OLA1: variants seen among roughly 807,000 people sequenced by gnomAD.
OLA1 encodes the protein obg-like ATPase 1.
OLA1 carries 14 observed loss-of-function variants against 48.4 expected under a neutral mutation model. The observed-to-expected ratio is 0.29, with a 90% CI of 0.19 to 0.45. OLA1 has a LOEUF of 0.45. Ranked by LOEUF, OLA1 falls within the 20% of genes least tolerant of loss-of-function variation. The pLI, the probability that OLA1 is intolerant of heterozygous loss-of-function variation, is 1.00. For missense variants in OLA1, 325 were observed against 467.1 expected (o/e 0.70, Z 2.80); for synonymous variants, 127 against 150.4 (o/e 0.84, Z 1.14).
At chr2:174,151,059 G>A (rs1686734659) in intron 4 of OLA1, among the ~76,000 whole-genome samples, 1 of 152,126 alleles carries the variant, frequency 6.6e-6, no homozygotes, top group African/African-American at 2.4e-5. Context: ...TAAAAGGTGG[G>A]CATGGAGGAT....
chr2:174,144,357 A>T (rs532985607), intron 4 of OLA1, among the ~76,000 whole-genome samples: 1 of 152,252 alleles, frequency 6.6e-6, no homozygotes, highest in East Asian at 1.9e-4. Context: ...ACATACCATA[A>T]GTAGAATTTA....
At chr2:174,133,088 T>C (rs144514765) in intron 5 of OLA1, among the ~76,000 whole-genome samples, 52 of 152,328 alleles carry the variant, frequency 3.4e-4, no homozygotes, top group African/African-American at 1.2e-3. Flanking sequence ...AATGCCACTT[T>C]TAACTCCTTT....
intron 7 of OLA1, among the ~76,000 whole-genome samples, chr2:174,085,360 C>T (rs1684944949): frequency 2.0e-5 from 3 of 152,272 alleles, no homozygotes; most frequent in South Asian, 4.1e-4. Flanking sequence ...GTCAGATCAG[C>T]GGCAGCATTA....
chr2:174,206,853 G>A (rs1271363202), intron 4 of OLA1, among the ~76,000 whole-genome samples: 5 of 152,110 alleles, frequency 3.3e-5, no homozygotes, highest in Non-Finnish European at 7.4e-5. Context: ...TTTTTGGTCA[G>A]ATTGTTTACT....
intron 2 of OLA1, among the ~76,000 whole-genome samples, chr2:174,245,262 A>C (rs1040162635): frequency 6.6e-6 from 1 of 152,228 alleles, no homozygotes; most frequent in African/African-American, 2.4e-5. Context: ...CTTACTCTGC[A>C]AGCAGACTAT....
Position 174,075,160 on chromosome 2 carries a change from G to C in OLA1, c.*266C>G. 1 of 366,780 alleles carries C rather than the reference G, an allele frequency of 2.7e-6. No homozygotes were observed. 22.7% of individuals were successfully genotyped at this position (366,780 alleles called of 1,614,324 possible). On this transcript the variant is annotated 3_prime_UTR_variant, in exon 11 of 11. Coordinates refer to ENST00000284719, the MANE Select transcript of OLA1 (RefSeq NM_013341.5). The stretch of plus-strand genomic sequence containing the variant: ...TGGAGATTAATGAAGTATCATGAGA[G>C]TAATATGGTTCCTGAAAAGCTTCTA...
chr2:174,198,829 CATA>C (rs1687932832), intron 4 of OLA1, among the ~76,000 whole-genome samples: 1 of 152,122 alleles, frequency 6.6e-6, no homozygotes, highest in African/African-American at 2.4e-5. Context: ...TATGTAATTT[CATA>C]ATAATATTAA....
At chr2:174,203,892 T>A (rs778353323) in intron 4 of OLA1, among the ~76,000 whole-genome samples, 3 of 151,630 alleles carry the variant, frequency 2.0e-5, no homozygotes, top group Admixed American at 6.6e-5. Context: ...CCGCCCGGGT[T>A]CAAGTGATTC....
intron 3 of OLA1, among the ~76,000 whole-genome samples, chr2:174,227,864 A>G (rs1688648717): frequency 1.3e-5 from 2 of 152,368 alleles, no homozygotes; most frequent in Middle Eastern, 3.4e-3. Context: ...AAATCAATGG[A>G]TGCTACAACT....
chr2:174,139,796 C>T lies in OLA1; in HGVS notation c.549+2029G>A, dbSNP rs891480640. Among the ~76,000 whole-genome samples the T allele has an allele frequency of 1.2e-4, 17 of 137,826 alleles. No homozygotes were observed. The Admixed American group carries it at 1.2e-3, about 10-fold the overall frequency. 90.4% of individuals were successfully genotyped at this position (137,826 alleles called of 152,430 possible). ...AGAAGAATCACTTCAACCAGGGAGG[C>T]GGAGGTTGCAGTGAGCCGAGATAGT... On this transcript the variant is annotated intron_variant, in intron 5 of 10. Coordinates refer to ENST00000284719, the MANE Select transcript of OLA1 (RefSeq NM_013341.5).
rs78670227 is a variant in OLA1, at chr2:174,120,353, T to C, written c.728+2827A>G. 7.9e-3 allele frequency among the ~76,000 whole-genome samples: 1,208 copies of C among 152,252 alleles called. 17 individuals carry two copies. Among genetic ancestry groups the C allele is most frequent in the African/African-American group, 0.027 (1,138 of 41,552 alleles). Reference sequence around the variant, plus strand: ...TAGTTATAAGTAACAGCTGATCGTGTTTAGAAAATGAAAACCTCAAGTGTT... The same window carrying C: ...TAGTTATAAGTAACAGCTGATCGTGCTTAGAAAATGAAAACCTCAAGTGTT... On this transcript the variant is annotated intron_variant, in intron 7 of 10. Coordinates refer to ENST00000284719, the MANE Select transcript of OLA1 (RefSeq NM_013341.5).
At chr2:174,081,601 T>G (rs1157021222) in intron 8 of OLA1, among the ~76,000 whole-genome samples, 1 of 152,034 alleles carries the variant, frequency 6.6e-6, no homozygotes, top group East Asian at 1.9e-4. Flanking sequence ...TTACTGTTAC[T>G]CAGAAAAAAT....
chr2:174,162,518 T>C (rs1687033966), intron 4 of OLA1, among the ~76,000 whole-genome samples: 1 of 152,230 alleles, frequency 6.6e-6, no homozygotes, highest in African/African-American at 2.4e-5. Flanking sequence ...TTTTGTTTTA[T>C]AGTTAGTATA....
At chr2:174,193,523 A>C (rs1274573677) in intron 4 of OLA1, among the ~76,000 whole-genome samples, 1 of 152,158 alleles carries the variant, frequency 6.6e-6, no homozygotes, top group Non-Finnish European at 1.5e-5. Context: ...GAAACTAAAT[A>C]GTTTTTATGC....
chr2:174,193,891 A>G (rs1687828271), intron 4 of OLA1, among the ~76,000 whole-genome samples: 1 of 152,216 alleles, frequency 6.6e-6, no homozygotes, highest in African/African-American at 2.4e-5. Context: ...GCTCAGCCTT[A>G]GTCACATGTC....
intron 2 of OLA1, among the ~76,000 whole-genome samples, chr2:174,235,660 C>G: frequency 6.6e-6 from 1 of 152,100 alleles, no homozygotes; most frequent in Admixed American, 6.5e-5. Context: ...GTTGAAGAGA[C>G]TAAGATGAGA....
chr2:174,189,429 G>C (rs1162623406), intron 4 of OLA1, among the ~76,000 whole-genome samples: 1 of 152,028 alleles, frequency 6.6e-6, no homozygotes, highest in Admixed American at 6.6e-5. Flanking sequence ...GAAGTCTTAG[G>C]TGTTAAGAAA....
At chr2:174,153,571 C>CCTGTTA (rs1553484305) in intron 4 of OLA1, among the ~76,000 whole-genome samples, 4 of 151,700 alleles carry the variant, frequency 2.6e-5, no homozygotes, top group Non-Finnish European at 2.9e-5. Context: ...GAAAATTCTG[C>CCTGTTA]CTGGTATTTT....
At chr2:174,215,649 C>A (rs1228826837) in intron 4 of OLA1, among the ~76,000 whole-genome samples, 2 of 152,082 alleles carry the variant, frequency 1.3e-5, no homozygotes, top group Admixed American at 6.5e-5. Flanking sequence ...ATATATACAA[C>A]TCTATTATAA....
Sources: gnomAD v4.1 joint callset for allele counts (sites outside exome capture counted in the v4.1 genomes callset) on GRCh38, gnomAD v4.1.1 for gene constraint, MANE v1.5 for transcripts, NCBI Gene and HGNC (gene_info 2026-07-23, HGNC 2026-07-21) for gene names.